The following SLC35B4 variants were observed in gnomAD, a reference collection of about 807,000 sequenced individuals.
SLC35B4 encodes solute carrier family 35 member B4.
In SLC35B4, 28 loss-of-function variants were observed where a neutral mutation model predicts 39.5. The ratio of observed to expected loss-of-function variants is 0.71; its 90% CI spans 0.53 to 0.97. The LOEUF is 0.97. SLC35B4 is among the 50% of genes least tolerant of loss of function. SLC35B4 has a pLI of 0.00. For missense variants in SLC35B4, 334 were observed against 414.3 expected, an observed-to-expected ratio of 0.81 and a Z score of 1.68; for synonymous variants, 145 against 150.4, an observed-to-expected ratio of 0.96 and a Z score of 0.26.
chr7:134,302,028 C>T lies in SLC35B4; in HGVS notation c.426+1G>A. 1 of 1,613,296 alleles carries T rather than the reference C, an allele frequency of 6.2e-7. No individual in the cohort carries two copies. On this transcript the variant is annotated splice_donor_variant, in intron 5 of 9. Coordinates refer to ENST00000378509, the MANE Select transcript of SLC35B4 (RefSeq NM_032826.5). LOFTEE classifies it high-confidence loss of function. ...CATAAAATAATTTGTGAGCTTCTTA[C>T]CACCTGCTTTGCTGACATAAAAGTG... is the stretch of plus-strand genomic sequence containing the variant.
In SLC35B4 at chr7:134,295,016, G is replaced by A. The variant is rs377259267; in HGVS notation, c.813C>T (p.Leu271=). ...TCACAAATTTGCGTAGGGTCACGACGAGCGTGACGGTGAGGGAGGCGCATT... is the reference window on the plus strand; with the variant it reads ...TCACAAATTTGCGTAGGGTCACGACAAGCGTGACGGTGAGGGAGGCGCATT... ...TTECASLTVT[L]VVTLRKFVSL... is the part of the protein sequence containing the mutation. Residue 271 remains leucine (L), a synonymous_variant, in exon 10 of 10, where the codon CTC becomes CTT. Coordinates refer to ENST00000378509, the MANE Select transcript of SLC35B4 (RefSeq NM_032826.5). The A allele has an allele frequency of 1.5e-5, 25 of 1,614,154 alleles. No homozygotes were observed. The Middle Eastern group carries it at 5.0e-4, about 32-fold the overall frequency.
chr7:134,319,313 A>G (rs1032804459), upstream of SLC35B4, among the ~76,000 whole-genome samples: 6 of 152,320 alleles, frequency 3.9e-5, no homozygotes, highest in Middle Eastern at 3.4e-3. Flanking sequence ...TGTGAAAACC[A>G]TATAACACAG....
At chr7:134,299,232 A>G in intron 8 of SLC35B4, 1 of 326,934 alleles carries the variant, frequency 3.1e-6, no homozygotes. Context: ...TGCTGTAAGT[A>G]TTCATTTGCA....
intron 1 of SLC35B4, among the ~76,000 whole-genome samples, chr7:134,313,503 C>T (rs2117321259): frequency 6.6e-6 from 1 of 152,226 alleles, no homozygotes; most frequent in East Asian, 1.9e-4. Context: ...ATCTTGTTTC[C>T]AAGGTAGAAT....
At chr7:134,311,699 G>T (rs1277647108) in intron 1 of SLC35B4, among the ~76,000 whole-genome samples, 1 of 152,060 alleles carries the variant, frequency 6.6e-6, no homozygotes, top group Non-Finnish European at 1.5e-5. Flanking sequence ...ACCCAAAGAG[G>T]CTCACTCTCC....
intron 1 of SLC35B4, among the ~76,000 whole-genome samples, chr7:134,309,868 C>T (rs1357093756): frequency 1.3e-5 from 2 of 152,158 alleles, no homozygotes; most frequent in Non-Finnish European, 2.9e-5. Flanking sequence ...AGCCCAGGGA[C>T]AGAAATATGC....
At chr7:134,301,876 C>T (rs1480773287) in intron 5 of SLC35B4, 55 bp from the exon 6 acceptor site, 4 of 1,554,472 alleles carry the variant, frequency 2.6e-6, no homozygotes, top group East Asian at 4.5e-5. Context: ...TGCAAGGTGC[C>T]GACATACAAG....
chr7:134,306,961 T>C (rs901600800), intron 2 of SLC35B4, among the ~76,000 whole-genome samples, 187 bp from the exon 3 acceptor site: 5 of 152,206 alleles, frequency 3.3e-5, no homozygotes, highest in African/African-American at 1.2e-4. Context: ...CAGACTAACA[T>C]GGGAAAATCT....
intron 1 of SLC35B4, among the ~76,000 whole-genome samples, chr7:134,313,679 C>G (rs957876692): frequency 6.6e-6 from 1 of 152,222 alleles, no homozygotes; most frequent in South Asian, 2.1e-4. Context: ...ATGTCCTCTT[C>G]TTCCTGCAAG....
At chr7:134,296,943 CAG>C (rs1803482029) in intron 8 of SLC35B4, among the ~76,000 whole-genome samples, 1 of 152,170 alleles carries the variant, frequency 6.6e-6, no homozygotes, top group East Asian at 1.9e-4. Flanking sequence ...ATTTTTGAGA[CAG>C]AGTCTCACTC....
chr7:134,296,248 G>T, intron 9 of SLC35B4, 143 bp downstream of exon 9: 2 of 720,966 alleles, frequency 2.8e-6, no homozygotes, highest in Non-Finnish European at 4.7e-6. Flanking sequence ...TCCCTGAATT[G>T]GTCTCTGTCT....
chr7:134,307,378 G>A (rs531177911), intron 2 of SLC35B4, among the ~76,000 whole-genome samples: 3 of 150,998 alleles, frequency 2.0e-5, no homozygotes, highest in East Asian at 3.9e-4. Context: ...TAACTTAAAG[G>A]GATAAATACA....
Position 134,294,474 on chromosome 7 carries a change from A to C in SLC35B4, c.*359T>G, listed in dbSNP as rs529677858. ...GACTGCTGTAGCAGAGATGCATTAC[A>C]ACAGCAAGAGAAGGGACAATCTTTT... On this transcript the variant is annotated 3_prime_UTR_variant, in exon 10 of 10. Coordinates refer to ENST00000378509, the MANE Select transcript of SLC35B4 (RefSeq NM_032826.5). 2.1e-3 allele frequency: 446 copies of C among 215,916 alleles called. 1 individual carries two copies. The highest frequency in any genetic ancestry group is 9.3e-3 in the African/African-American group (416 of 44,642). The allele number at this position is 215,916 out of a possible 1,614,324, so 13.4% of individuals were successfully genotyped here. A position where few individuals can be genotyped will look rare whatever the true frequency, so the allele number is the denominator to read the frequency against.
intron 6 of SLC35B4, among the ~76,000 whole-genome samples, chr7:134,300,601 A>G (rs547100675): frequency 6.6e-6 from 1 of 152,320 alleles, no homozygotes; most frequent in South Asian, 2.1e-4. Context: ...TGACTATGAT[A>G]TGGATGTAGC....
At chr7:134,305,578 T>C (rs56312761) in intron 3 of SLC35B4, among the ~76,000 whole-genome samples, 3,004 of 152,292 alleles carry the variant, frequency 0.02, 124 homozygotes, top group African/African-American at 0.07. Flanking sequence ...GAATAAATGA[T>C]ATCACAGACT....
chr7:134,290,839 A>G lies in SLC35B4; in HGVS notation c.*3994T>C, dbSNP rs533341186. 6.6e-6 allele frequency: 1 copy of G among 152,260 alleles called. No homozygotes were observed. Among genetic ancestry groups the G allele is most frequent in the Admixed American group, 6.5e-5 (1 of 15,296 alleles). The allele number at this position is 152,260 out of a possible 1,614,324, so 9.4% of individuals were successfully genotyped here. On this transcript the variant is annotated 3_prime_UTR_variant, in exon 10 of 10. Coordinates refer to ENST00000378509, the MANE Select transcript of SLC35B4 (RefSeq NM_032826.5). ...GGTGGAATGACTTATAATGCTATTT[A>G]CTCCAGGCAAAGAGAAAATACAACA...
At chr7:134,306,831 G>T in intron 2 of SLC35B4, 57 bp from the exon 3 acceptor site, 1 of 1,430,022 alleles carries the variant, frequency 7.0e-7, no homozygotes, top group Non-Finnish European at 9.7e-7. Context: ...AGAAAATCAA[G>T]TATAGGAAAT....
intron 8 of SLC35B4, among the ~76,000 whole-genome samples, chr7:134,297,833 C>T (rs187590689): frequency 1.8e-4 from 28 of 152,272 alleles, no homozygotes; most frequent in African/African-American, 6.5e-4. Flanking sequence ...CCCAGGAGCT[C>T]GAGACCAATC....
In SLC35B4 at chr7:134,292,861, C is replaced by T. The variant is rs762824393; in HGVS notation, c.*1972G>A. 6.6e-6 allele frequency: 1 copy of T among 152,172 alleles called. No individual in the cohort carries two copies. The highest frequency in any genetic ancestry group is 1.5e-5 in the Non-Finnish European group (1 of 68,028). The allele number at this position is 152,172 out of a possible 1,614,324, so 9.4% of individuals were successfully genotyped here. On this transcript the variant is annotated 3_prime_UTR_variant, in exon 10 of 10. Transcript: ENST00000378509. ...AGAGCCCATTACTGGCTCTAGAAAGCTGTCAATGTCCAGAGCAACACATTA... is the reference window on the plus strand; with the variant it reads ...AGAGCCCATTACTGGCTCTAGAAAGTTGTCAATGTCCAGAGCAACACATTA...
Sources: gnomAD v4.1 joint callset for allele counts (sites outside exome capture counted in the v4.1 genomes callset) on GRCh38, gnomAD v4.1.1 for gene constraint, MANE v1.5 for transcripts, NCBI Gene and HGNC (gene_info 2026-07-23, HGNC 2026-07-21) for gene names.